TUSC3: variants seen among roughly 807,000 people sequenced by gnomAD.
TUSC3 encodes the protein tumor suppressor candidate 3.
A neutral mutation model predicts 44.8 loss-of-function variants in TUSC3; 45 were observed. The ratio of observed to expected loss-of-function variants is 1.00; its 90% confidence interval spans 0.79 to 1.29. The LOEUF is 1.29. TUSC3 is among the 50% of genes most tolerant of loss of function. The pLI is 0.00. For missense variants in TUSC3, 519 were observed against 437.9 expected, an observed-to-expected ratio of 1.19 and a Z score of -1.65; for synonymous variants, 212 against 152.9, an observed-to-expected ratio of 1.39 and a Z score of -2.85.
chr8:15,495,415 C>T (rs1800868357), intron 2 of TUSC3, among the ~76,000 whole-genome samples: 1 of 152,164 alleles, frequency 6.6e-6, no homozygotes, highest in Admixed American at 6.5e-5. Flanking sequence ...TGGAAATGAC[C>T]TTCAGGTGAG....
chr8:15,696,969 T>C (rs1180004007), intron 6 of TUSC3, among the ~76,000 whole-genome samples: 1 of 152,146 alleles, frequency 6.6e-6, no homozygotes, highest in Non-Finnish European at 1.5e-5. Context: ...TCATTCTTGC[T>C]CCTTGTTATT....
At chr8:15,759,926 GTCCTCA>G (rs538694674) in intron 10 of TUSC3, among the ~76,000 whole-genome samples, 254 of 152,128 alleles carry the variant, frequency 1.7e-3, no homozygotes, top group African/African-American at 5.8e-3. Context: ...AAGTCATTTT[GTCCTCA>G]TCCTCATCCT....
intron 1 of TUSC3, among the ~76,000 whole-genome samples, chr8:15,472,822 G>A (rs1052710133): frequency 2.0e-5 from 3 of 152,132 alleles, no homozygotes; most frequent in African/African-American, 7.2e-5. Flanking sequence ...CCATTAAATG[G>A]CAAATGCTTT....
chr8:15,809,371 A>G, the TUSC3 span, among the ~76,000 whole-genome samples: 6 of 152,164 alleles, frequency 3.9e-5, no homozygotes, highest in African/African-American at 1.2e-4. Context: ...TCACTGCTCT[A>G]TAATTATCCT....
At chr8:15,487,746 C>G (rs980098301) in intron 2 of TUSC3, among the ~76,000 whole-genome samples, 3 of 152,130 alleles carry the variant, frequency 2.0e-5, no homozygotes, top group Admixed American at 6.6e-5. Flanking sequence ...ATCCAATTAG[C>G]CTATTATTTT....
chr8:15,573,168 TTCTCTCTCTC>T (rs1554516638), intron 1 of TUSC3, among the ~76,000 whole-genome samples: 3 of 85,558 alleles, frequency 3.5e-5, no homozygotes, highest in South Asian at 5.1e-4. Flanking sequence ...TTCTCTCTCT[TTCTCTCTCTC>T]TCTCTCTCTC....
At chr8:15,468,535 A>G (rs1800444471) in intron 1 of TUSC3, among the ~76,000 whole-genome samples, 1 of 152,166 alleles carries the variant, frequency 6.6e-6, no homozygotes, top group South Asian at 2.1e-4. Flanking sequence ...TCAAATTAGC[A>G]TGAGTTATAC....
intron 2 of TUSC3, among the ~76,000 whole-genome samples, chr8:15,631,255 A>G (rs983618445): frequency 3.3e-5 from 5 of 152,156 alleles, no homozygotes; most frequent in Non-Finnish European, 7.3e-5. Flanking sequence ...TTTACATTGA[A>G]GGCATATGAC....
At chr8:15,747,971 G>T (rs2129217352) in intron 8 of TUSC3, among the ~76,000 whole-genome samples, 1 of 152,196 alleles carries the variant, frequency 6.6e-6, no homozygotes, top group South Asian at 2.1e-4. Context: ...CAATGCAAAT[G>T]TTCCTGCTAA....
chr8:15,541,594 A>C (rs1311481189), intron 1 of TUSC3, among the ~76,000 whole-genome samples: 3 of 152,188 alleles, frequency 2.0e-5, no homozygotes, highest in Non-Finnish European at 4.4e-5. Context: ...AGTCTGAAAC[A>C]AATATTGTGT....
intron 1 of TUSC3, among the ~76,000 whole-genome samples, chr8:15,596,584 G>A (rs1804077251): frequency 6.6e-6 from 1 of 151,972 alleles, no homozygotes; most frequent in Non-Finnish European, 1.5e-5. Flanking sequence ...GATACTGTGG[G>A]GCACACTGTA....
chr8:15,771,238 A>C (rs931824649), downstream of TUSC3, among the ~76,000 whole-genome samples: 63 of 152,222 alleles, frequency 4.1e-4, no homozygotes, highest in African/African-American at 1.4e-3. Context: ...AACATGCTTC[A>C]GCATGTTGGA....
At chr8:15,482,851 C>G (rs1244413062) in intron 1 of TUSC3, among the ~76,000 whole-genome samples, 4 of 152,194 alleles carry the variant, frequency 2.6e-5, no homozygotes, top group African/African-American at 9.6e-5. Flanking sequence ...TGATAGAATA[C>G]ATGACTTTCT....
intron 1 of TUSC3, among the ~76,000 whole-genome samples, chr8:15,426,740 TATACTC>T (rs1213221396): frequency 1.1e-4 from 17 of 152,242 alleles, no homozygotes; most frequent in Non-Finnish European, 2.5e-4. Context: ...CTTTTGGACA[TATACTC>T]AGAAGTGGGA....
the TUSC3 span, among the ~76,000 whole-genome samples, chr8:15,813,540 A>T: frequency 0.031 from 4,687 of 152,260 alleles, 247 homozygotes; most frequent in African/African-American, 0.11. Flanking sequence ...GATGACAGCA[A>T]TGGGAAGATA....
At chr8:15,444,376 A>G (rs939594538) in intron 1 of TUSC3, among the ~76,000 whole-genome samples, 9 of 152,288 alleles carry the variant, frequency 5.9e-5, no homozygotes, top group African/African-American at 2.2e-4. Context: ...AATACAAGGA[A>G]AAGTGGGAAT....
At chr8:15,815,698 G>A in the TUSC3 span, among the ~76,000 whole-genome samples, 9 of 152,164 alleles carry the variant, frequency 5.9e-5, no homozygotes, top group African/African-American at 2.2e-4. Flanking sequence ...ATCTCTTATG[G>A]CATTCTGTCT....
At chr8:15,807,188 T>G in the TUSC3 span, 3 of 749,474 alleles carry the variant, frequency 4.0e-6, no homozygotes, top group Admixed American at 5.4e-5. Context: ...TTTCAATACG[T>G]CAACCTTGCA....
intron 6 of TUSC3, among the ~76,000 whole-genome samples, chr8:15,730,411 C>T (rs1422343096): frequency 1.3e-5 from 2 of 151,974 alleles, no homozygotes; most frequent in Non-Finnish European, 2.9e-5. Flanking sequence ...TGTGATAAAT[C>T]CTTTAACAAG....
Sources: gnomAD v4.1 joint callset for allele counts (sites outside exome capture counted in the v4.1 genomes callset) on GRCh38, gnomAD v4.1.1 for gene constraint, MANE v1.5 for transcripts, NCBI Gene and HGNC (gene_info 2026-07-23, HGNC 2026-07-21) for gene names.